UST: variants seen among roughly 807,000 people sequenced by gnomAD.
UST encodes chondroitin sulfate 2-O-sulfotransferase.
Under a neutral mutation model 45.6 loss-of-function variants are expected in UST, and 21 were observed. The observed-to-expected ratio is 0.46, with a 90% CI of 0.33 to 0.66. The LOEUF (loss-of-function observed/expected upper bound fraction) is 0.66. Among genes scored for constraint, UST ranks in the 30% least tolerant of loss-of-function variants. The probability of loss-of-function intolerance (pLI) is 0.02; values close to 1 mark genes in which losing one functional copy is unlikely to be tolerated. For missense variants in UST, 463 were observed against 512.4 expected, an observed-to-expected ratio of 0.90 and a Z score of 0.93; for synonymous variants, 215 against 200.6, an observed-to-expected ratio of 1.07 and a Z score of -0.61.
At chr6:148,771,621 C>T (rs6570896) in intron 1 of UST, among the ~76,000 whole-genome samples, 52,321 of 151,794 alleles carry the variant, frequency 0.34, 9,249 homozygotes, top group African/African-American at 0.42. Flanking sequence ...GATAATGAGT[C>T]GACTATTAGA....
intron 1 of UST, among the ~76,000 whole-genome samples, chr6:148,878,489 G>A (rs1778754962): frequency 7.9e-6 from 1 of 126,506 alleles, no homozygotes; most frequent in African/African-American, 3.0e-5. Context: ...TCGTGTATGA[G>A]TACAGGGATT....
At chr6:148,895,770 G>A (rs1779116296) in intron 2 of UST, among the ~76,000 whole-genome samples, 1 of 152,192 alleles carries the variant, frequency 6.6e-6, no homozygotes, top group South Asian at 2.1e-4. Context: ...ATGATCGTGA[G>A]GCCTCCTTAG....
intron 5 of UST, among the ~76,000 whole-genome samples, chr6:148,992,641 T>C (rs947869038): frequency 1.1e-4 from 16 of 152,182 alleles, no homozygotes; most frequent in African/African-American, 3.9e-4. Context: ...AGTTTTGCTG[T>C]CCAACTCTCT....
chr6:148,848,625 C>T (rs948253895), intron 1 of UST, among the ~76,000 whole-genome samples: 3 of 149,780 alleles, frequency 2.0e-5, no homozygotes, highest in Non-Finnish European at 4.4e-5. Context: ...GAGCCGAGAT[C>T]GCACCACTGC....
chr6:148,791,479 A>G (rs1776846672), intron 1 of UST, among the ~76,000 whole-genome samples: 1 of 152,216 alleles, frequency 6.6e-6, no homozygotes, highest in African/African-American at 2.4e-5. Context: ...ACACATAAGA[A>G]GTGCGTAGGG....
At chr6:149,011,243 T>C (rs1017607560) in intron 5 of UST, among the ~76,000 whole-genome samples, 11 of 152,134 alleles carry the variant, frequency 7.2e-5, no homozygotes, top group African/African-American at 2.4e-4. Flanking sequence ...TCTCATTTAT[T>C]TGTGGGAGCT....
rs142810936 is a variant in UST at position 148,883,388 on chromosome 6, C to G, written c.248-3598C>G. ...TACCCGAGCTTGGAGTTTGAGGAAGCAATCAGGCATTTAAATCATTCTTTT... is the reference window on the plus strand; with the variant it reads ...TACCCGAGCTTGGAGTTTGAGGAAGGAATCAGGCATTTAAATCATTCTTTT... On this transcript the variant is annotated intron_variant, in intron 1 of 7. Transcript: ENST00000367463. Among the ~76,000 whole-genome samples, 264 of 152,282 alleles carry G rather than the reference C, an allele frequency of 1.7e-3. 1 individual carries two copies. In the South Asian group the frequency reaches 0.025, roughly 15 times the overall value.
intron 5 of UST, among the ~76,000 whole-genome samples, chr6:148,980,499 A>G (rs984564050): frequency 2.0e-5 from 3 of 152,160 alleles, no homozygotes; most frequent in African/African-American, 7.2e-5. Context: ...TTCTTGCTTA[A>G]GAAGCTTGGT....
intron 5 of UST, among the ~76,000 whole-genome samples, chr6:148,994,833 CCTTGCATTTCCAGGACCA>C (rs1173475977): frequency 1.3e-5 from 2 of 152,256 alleles, no homozygotes; most frequent in East Asian, 3.9e-4. Context: ...ATCCTCAAGT[CCTTGCATTTCCAGGACCA>C]CTTCATCCAA....
intron 1 of UST, among the ~76,000 whole-genome samples, chr6:148,817,489 T>C (rs1314705585): frequency 2.0e-5 from 3 of 152,094 alleles, no homozygotes; most frequent in Non-Finnish European, 4.4e-5. Context: ...TAGGGAGACA[T>C]GAGATTGAAA....
intron 5 of UST, among the ~76,000 whole-genome samples, chr6:149,011,914 G>A (rs955013709): frequency 1.8e-4 from 6 of 34,248 alleles, no homozygotes; most frequent in East Asian, 4.3e-4. Flanking sequence ...AAAAAGAAAC[G>A]AAATAATTAA....
At chr6:149,028,691 G>A (rs1364777440) in intron 7 of UST, among the ~76,000 whole-genome samples, 3 of 152,176 alleles carry the variant, frequency 2.0e-5, no homozygotes, top group Non-Finnish European at 4.4e-5. Flanking sequence ...TTACTACAGT[G>A]ACATGCTAAG....
At position 149,005,700 on chromosome 6, in the gene UST, C is replaced by T. The variant is rs1471595802; in HGVS notation, c.682-13439C>T. The T allele has an allele frequency of 3.8e-6, 3 of 795,320 alleles. No homozygotes were observed. In the African/African-American group the frequency reaches 5.6e-5, roughly 15 times the overall value. The allele number at this position is 795,320 out of a possible 1,614,324, so 49.3% of individuals were successfully genotyped here. ...AAGTATTTCTTGGAAGCACATTGAG[C>T]TTGATAACTTATTTATTTATTCTTC... On this transcript the variant is annotated intron_variant, in intron 5 of 7. Coordinates refer to ENST00000367463, the MANE Select transcript of UST (RefSeq NM_005715.3).
At chr6:148,836,696 T>TA (rs1023031966) in intron 1 of UST, among the ~76,000 whole-genome samples, 94 of 152,324 alleles carry the variant, frequency 6.2e-4, no homozygotes, top group African/African-American at 2.2e-3. Flanking sequence ...GTTACTATTT[T>TA]AAGATGCCAC....
chr6:148,809,418 G>A (rs1562264339), intron 1 of UST, among the ~76,000 whole-genome samples: 1 of 151,918 alleles, frequency 6.6e-6, no homozygotes, highest in East Asian at 1.9e-4. Context: ...CTTCCTCAGA[G>A]GTGCGTGTCA....
chr6:148,789,772 A>G (rs1056754958), intron 1 of UST, among the ~76,000 whole-genome samples: 1 of 151,732 alleles, frequency 6.6e-6, no homozygotes, highest in East Asian at 1.9e-4. Flanking sequence ...TAGTTTTTGT[A>G]TTTTTAGTAG....
intron 1 of UST, among the ~76,000 whole-genome samples, chr6:148,769,750 T>TTG (rs57316536): frequency 0.15 from 21,749 of 148,104 alleles, 1,587 homozygotes; most frequent in African/African-American, 0.18. Flanking sequence ...GAGCCTGTGT[T>TTG]TGTGTGTGTG....
intron 1 of UST, among the ~76,000 whole-genome samples, chr6:148,769,789 TCAAA>T (rs538009996): frequency 6.6e-5 from 10 of 151,552 alleles, no homozygotes; most frequent in African/African-American, 1.2e-4. Context: ...TGTGTTGTCT[TCAAA>T]CAAACTCATA....
chr6:148,951,630 A>G (rs1385820937), intron 3 of UST, among the ~76,000 whole-genome samples: 1 of 152,056 alleles, frequency 6.6e-6, no homozygotes, highest in Non-Finnish European at 1.5e-5. Context: ...CCATGGGGGG[A>G]GGACCAGGCA....
Sources: allele counts gnomAD v4.1 joint callset (sites outside exome capture counted in the v4.1 genomes callset), GRCh38; gene constraint gnomAD v4.1.1; transcripts MANE v1.5; gene names NCBI Gene and HGNC (gene_info 2026-07-23, HGNC 2026-07-21).